Variants in ASTN2 observed in about 807,000 individuals in gnomAD.
The protein encoded by ASTN2 is astrotactin 2.
In ASTN2, 54 loss-of-function variants were observed where a neutral mutation model predicts 139.8. That is an observed-to-expected ratio of 0.39 (90% CI 0.31 to 0.48). ASTN2 has a LOEUF of 0.48. Ranked by LOEUF, ASTN2 falls within the 20% of genes least tolerant of loss-of-function variation. ASTN2 has a pLI of 0.95. For synonymous variants in ASTN2, 756 were observed against 719.5 expected (o/e 1.05, Z -0.81); for missense variants, 1,565 against 1,725.1 (o/e 0.91, Z 1.64).
chr9:117,017,583 T>C (rs1301977497), intron 6 of ASTN2, among the ~76,000 whole-genome samples: 2 of 152,204 alleles, frequency 1.3e-5, no homozygotes, highest in African/African-American at 2.4e-5. Flanking sequence ...TTTCTTAATC[T>C]GTACCATGTG....
chr9:116,436,372 C>T (rs61264476), intron 22 of ASTN2, among the ~76,000 whole-genome samples: 2,860 of 152,162 alleles, frequency 0.019, 88 homozygotes, highest in African/African-American at 0.066. Flanking sequence ...GGACTCCAGG[C>T]CACCCACTCC....
chr9:116,569,149 G>A (rs898816867), intron 19 of ASTN2, among the ~76,000 whole-genome samples: 1 of 152,154 alleles, frequency 6.6e-6, no homozygotes, highest in Admixed American at 6.5e-5. Context: ...AGTCAGGGAA[G>A]CAACGAACCA....
In ASTN2 at chr9:117,015,982, C is replaced by A. The variant is rs12338506; in HGVS notation, c.1424-7723G>T. On this transcript the variant is annotated intron_variant, in intron 6 of 22. Coordinates refer to ENST00000313400, the MANE Select transcript of ASTN2 (RefSeq NM_001365068.1). ...GACATTTTTCCTTAACCACCTCCCA[C>A]CCATGAAATTTTAATACCAGAGATA... 4.8e-3 allele frequency among the ~76,000 whole-genome samples: 723 copies of A among 152,176 alleles called. 3 individuals are homozygous for A. The highest frequency in any genetic ancestry group is 0.017 in the African/African-American group (698 of 41,532).
intron 6 of ASTN2, among the ~76,000 whole-genome samples, chr9:117,028,268 C>G (rs1045032671): frequency 7.4e-4 from 112 of 152,188 alleles, no homozygotes; most frequent in African/African-American, 2.5e-3. Context: ...GATGAGATGC[C>G]CCAGCCATTA....
intron 19 of ASTN2, among the ~76,000 whole-genome samples, chr9:116,529,415 C>G (rs1003620180): frequency 1.3e-5 from 2 of 152,140 alleles, no homozygotes; most frequent in South Asian, 2.1e-4. Context: ...GCCTGTATCC[C>G]CATTGTATCT....
At chr9:116,481,038 T>C (rs903556440) in intron 20 of ASTN2, among the ~76,000 whole-genome samples, 2 of 152,240 alleles carry the variant, frequency 1.3e-5, no homozygotes, top group Non-Finnish European at 1.5e-5. Context: ...TTTTAGTTCA[T>C]TGTATCCTCA....
intron 19 of ASTN2, among the ~76,000 whole-genome samples, chr9:116,557,126 AG>A (rs1242591833): frequency 6.9e-6 from 1 of 144,782 alleles, no homozygotes; most frequent in African/African-American, 2.5e-5. Flanking sequence ...CGGGAGGCTG[AG>A]GCAGGAGAAT....
At position 116,600,193 on chromosome 9, in the gene ASTN2, G is replaced by A. The variant is rs376540287; in HGVS notation, c.3355+18131C>T. 1.1e-4 allele frequency among the ~76,000 whole-genome samples: 17 copies of A among 151,882 alleles called. 1 individual carries two copies. In the South Asian group the frequency reaches 3.3e-3, roughly 30 times the overall value. On this transcript the variant is annotated intron_variant, in intron 19 of 22. Transcript: ENST00000313400. ...ACAAAAGCTAGCCAAGAGTGGTGAT[G>A]CATGCTTGTAGTCCCAGCTACTTGG...
intron 10 of ASTN2, among the ~76,000 whole-genome samples, chr9:116,951,035 A>G (rs1835542989): frequency 6.6e-6 from 1 of 152,158 alleles, no homozygotes; most frequent in African/African-American, 2.4e-5. Flanking sequence ...GAGATAAGAC[A>G]GAAAGAGATA....
At chr9:116,809,686 T>C (rs1831115044) in intron 12 of ASTN2, among the ~76,000 whole-genome samples, 1 of 152,236 alleles carries the variant, frequency 6.6e-6, no homozygotes, top group Middle Eastern at 3.2e-3. Context: ...AAGATTTTAA[T>C]ATTAATTTTA....
At position 116,669,619 on chromosome 9, in the gene ASTN2, A is replaced by G. The variant is rs150163238; in HGVS notation, c.2807-17826T>C. 7.3e-3 allele frequency among the ~76,000 whole-genome samples: 1,112 copies of G among 152,036 alleles called. 15 individuals carry two copies. Among genetic ancestry groups the G allele is most frequent in the African/African-American group, 0.026 (1,074 of 41,462 alleles). On this transcript the variant is annotated intron_variant, in intron 16 of 22. Coordinates refer to ENST00000313400, the MANE Select transcript of ASTN2 (RefSeq NM_001365068.1). ...TTCAGCCCATTTTTTTATTTGGGCT[A>G]TTTTCTTATTGTTGAGTTTTAAGAG...
chr9:117,015,710 T>C (rs563195888), intron 6 of ASTN2, among the ~76,000 whole-genome samples: 49 of 152,170 alleles, frequency 3.2e-4, no homozygotes, highest in Non-Finnish European at 5.3e-4. Context: ...TGCTGAGATG[T>C]TCCAGTGGTT....
At chr9:117,230,303 C>T (rs181432823) in intron 2 of ASTN2, among the ~76,000 whole-genome samples, 57 of 152,214 alleles carry the variant, frequency 3.7e-4, no homozygotes, top group African/African-American at 1.4e-3. Context: ...CCTCCAAAGG[C>T]TCTACAGGAG....
At chr9:117,080,590 G>A (rs904283636) in intron 5 of ASTN2, among the ~76,000 whole-genome samples, 2 of 151,840 alleles carry the variant, frequency 1.3e-5, no homozygotes, top group East Asian at 1.9e-4. Context: ...ATGAGCTCTC[G>A]AAGGTTTTCA....
At chr9:116,680,709 G>T (rs1292446693) in intron 16 of ASTN2, among the ~76,000 whole-genome samples, 3 of 152,188 alleles carry the variant, frequency 2.0e-5, no homozygotes, top group Non-Finnish European at 2.9e-5. Flanking sequence ...GGGATGCAAG[G>T]CTGGTTCAAT....
intron 7 of ASTN2, among the ~76,000 whole-genome samples, chr9:116,987,779 G>A (rs10117674): frequency 0.068 from 10,303 of 152,170 alleles, 1,043 homozygotes; most frequent in African/African-American, 0.22. Context: ...ATAACAATAC[G>A]CTGGTATCAC....
At chr9:117,335,468 T>C (rs953020020) in intron 1 of ASTN2, among the ~76,000 whole-genome samples, 5 of 152,174 alleles carry the variant, frequency 3.3e-5, no homozygotes, top group African/African-American at 1.2e-4. Flanking sequence ...ACCTGGAACA[T>C]AGAAAATGTA....
At chr9:116,629,499 C>G in intron 17 of ASTN2, among the ~76,000 whole-genome samples, 1 of 152,148 alleles carries the variant, frequency 6.6e-6, no homozygotes, top group Non-Finnish European at 1.5e-5. Flanking sequence ...CACAGTAGGG[C>G]AGAGGGTCTA....
At chr9:116,502,180 TGAGA>T (rs1461802830) in intron 19 of ASTN2, among the ~76,000 whole-genome samples, 1 of 150,532 alleles carries the variant, frequency 6.6e-6, no homozygotes, top group Non-Finnish European at 1.5e-5. Flanking sequence ...TGCATGTATG[TGAGA>T]GAGAGAGACA....
Sources: gnomAD v4.1 joint callset for allele counts (sites outside exome capture counted in the v4.1 genomes callset) on GRCh38, gnomAD v4.1.1 for gene constraint, MANE v1.5 for transcripts, NCBI Gene and HGNC (gene_info 2026-07-23, HGNC 2026-07-21) for gene names.